Variants in RBP5 observed in about 807,000 individuals in gnomAD.
The protein encoded by RBP5 is retinol-binding protein 5.
Under a neutral mutation model 17.8 loss-of-function variants are expected in RBP5, and 12 were observed. That is an observed-to-expected ratio of 0.67 (90% CI 0.43 to 1.09). The LOEUF is 1.09. Among genes scored for constraint, RBP5 ranks in the 50% least tolerant of loss-of-function variants. The pLI is 0.00. For missense variants in RBP5, 172 were observed against 169.4 expected, an observed-to-expected ratio of 1.02 and a Z score of -0.09; for synonymous variants, 64 against 68.1, an observed-to-expected ratio of 0.94 and a Z score of 0.30.
downstream of RBP5, among the ~76,000 whole-genome samples, chr12:7,122,967 G>T (rs776172698): frequency 2.0e-5 from 3 of 152,190 alleles, no homozygotes; most frequent in East Asian, 5.8e-4. Flanking sequence ...TGCATGGGGG[G>T]GCCAGCCGTT....
Position 7,128,338 on chromosome 12 carries a change from C to G in RBP5, c.154G>C (p.Val52Leu). The G allele has an allele frequency of 6.2e-7, 1 of 1,614,018 alleles. No individual in the cohort carries two copies. Among genetic ancestry groups the G allele is most frequent in the Non-Finnish European group, 8.5e-7 (1 of 1,179,980 alleles). ...TTTCGGAAGGTGCTGAGCGTCCTCA[C>G]CGTCATGTGGTTGCCCTGGTGTTCG... ...EIEHQGNHMT[V>L]RTLSTFRNYT... The change falls in exon 2 of 4, where the codon GTG (valine) becomes CTG (leucine). Residue 52 changes from valine (V) to leucine (L), a missense_variant. By Grantham distance (32) the Val-to-Leu change is conservative. Transcript: ENST00000266560. This position sits in a 1 kb window ranked among gnomAD's most constrained non-coding sequence, Gnocchi z 5.3.
In RBP5 at chr12:7,124,612, GCCCCCA is replaced by G; in HGVS notation, c.354+11_354+16del. 1.5e-6 allele frequency: 2 copies of G among 1,322,340 alleles called. No individual in the cohort carries two copies. The highest frequency in any genetic ancestry group is 1.1e-6 in the Non-Finnish European group (1 of 915,226). The allele number at this position is 1,322,340 out of a possible 1,614,324, so 81.9% of individuals were successfully genotyped here. ...TGGAGGCCCTTCTCCCAGACACCCA[GCCCCCA>G]CCCCATTTACCAGATACAGCATCTC... On this transcript the variant is annotated intron_variant, in intron 3 of 3. Coordinates refer to ENST00000266560, the MANE Select transcript of RBP5 (RefSeq NM_031491.4). This position sits in a 1 kb window ranked among gnomAD's most constrained non-coding sequence, Gnocchi z 5.3.
upstream of RBP5, chr12:7,129,359 G>A (rs567005985): frequency 5.9e-6 from 1 of 169,250 alleles, no homozygotes; most frequent in African/African-American, 2.4e-5. The surrounding 1 kb of genome is among the most constrained non-coding windows in gnomAD (Gnocchi z 5.5). Context: ...GCACCCTGTA[G>A]GCCTGGCTCT....
At position 7,117,495 on chromosome 12, in the gene RBP5, A is replaced by G. The variant is rs1939020175; in HGVS notation, n.890-188T>C. The G allele has an allele frequency of 6.6e-6, 1 of 152,182 alleles. No individual in the cohort carries two copies. Among genetic ancestry groups the G allele is most frequent in the Non-Finnish European group, 1.5e-5 (1 of 68,052 alleles). The allele number at this position is 152,182 out of a possible 1,614,324, so 9.4% of individuals were successfully genotyped here. A position where few individuals can be genotyped will look rare whatever the true frequency, so the allele number is the denominator to read the frequency against. On this transcript the variant is annotated intron_variant and non_coding_transcript_variant, in intron 3 of 3. Coordinates refer to the RBP5 transcript ENST00000619522. This position sits in a 1 kb window ranked among gnomAD's most constrained non-coding sequence, Gnocchi z 4.9. ...TTCAGGTGCATTTACCCAAATCCAGAGTACCTTTGGGGGCTCTGACCCTCT... is the reference window on the plus strand; with the variant it reads ...TTCAGGTGCATTTACCCAAATCCAGGGTACCTTTGGGGGCTCTGACCCTCT...
intron 2 of RBP5, chr12:7,127,422 G>T: frequency 2.3e-6 from 1 of 440,304 alleles, no homozygotes. Context: ...GAGCCACCAC[G>T]CCCAGCCTTT....
chr12:7,128,815 T>G lies in RBP5; in HGVS notation c.-40A>C. The G allele has an allele frequency of 6.6e-7, 1 of 1,507,066 alleles. No individual in the cohort carries two copies. Among genetic ancestry groups the G allele is most frequent in the Non-Finnish European group, 9.1e-7 (1 of 1,101,194 alleles). 93.4% of individuals were successfully genotyped at this position (1,507,066 alleles called of 1,614,324 possible). On this transcript the variant is annotated 5_prime_UTR_variant, in exon 1 of 4. Coordinates refer to ENST00000266560, the MANE Select transcript of RBP5 (RefSeq NM_031491.4). This position sits in a 1 kb window ranked among gnomAD's most constrained non-coding sequence, Gnocchi z 5.3. The stretch of plus-strand genomic sequence containing the variant: ...TTTCAGGAGAATGCAGGAGACAGGG[T>G]GAGGAAGGAGGGGGTGTTGTCTGGC...
At position 7,128,239 on chromosome 12, in the gene RBP5, C is replaced by T; in HGVS notation, c.252+1G>A. The T allele has an allele frequency of 6.2e-6, 10 of 1,607,946 alleles. No homozygotes were observed. The highest frequency in any genetic ancestry group is 8.5e-6 in the Non-Finnish European group (10 of 1,175,848). On this transcript the variant is annotated splice_donor_variant, in intron 2 of 3. Transcript: ENST00000266560. LOFTEE classifies it high-confidence loss of function. The surrounding 1 kb of genome is among the most constrained non-coding windows in gnomAD (Gnocchi z 5.3). ...CCACCGCCCAGCCAGGGGAAATGTA[C>T]CTGGCATTTTCGTCCGTCCACGCTC...
At chr12:7,125,499 C>T (rs904924617) in intron 2 of RBP5, among the ~76,000 whole-genome samples, 5 of 152,172 alleles carry the variant, frequency 3.3e-5, no homozygotes, top group African/African-American at 1.2e-4. Context: ...GCATTCCAAT[C>T]AACCTTTATT....
At position 7,123,839 on chromosome 12, in the gene RBP5, G is replaced by A; in HGVS notation, c.*282C>T. 1 of 431,974 alleles carries A rather than the reference G, an allele frequency of 2.3e-6. No individual in the cohort carries two copies. The allele number at this position is 431,974 out of a possible 1,614,324, so 26.8% of individuals were successfully genotyped here. A position where few individuals can be genotyped will look rare whatever the true frequency, so the allele number is the denominator to read the frequency against. On this transcript the variant is annotated 3_prime_UTR_variant, in exon 4 of 4. Coordinates refer to ENST00000266560, the MANE Select transcript of RBP5 (RefSeq NM_031491.4). Reference sequence around the variant, plus strand: ...AATGGACAGGAGAGAGCGGAGATTGGTTGTTCTCAGGGGCTCCTTCCCTTT... The same window carrying A: ...AATGGACAGGAGAGAGCGGAGATTGATTGTTCTCAGGGGCTCCTTCCCTTT...
chr12:7,123,562 T>C (rs1939110483), downstream of RBP5: 1 of 153,110 alleles, frequency 6.5e-6, no homozygotes, highest in Non-Finnish European at 1.5e-5. Context: ...GCCAGATGCC[T>C]TCAGATGTCA....
chr12:7,119,280 C>T (rs763732685), downstream of RBP5, among the ~76,000 whole-genome samples: 1 of 152,158 alleles, frequency 6.6e-6, no homozygotes, highest in South Asian at 2.1e-4. Context: ...TGGCACTGGG[C>T]TGGGCAGCTG....
At chr12:7,123,098 G>C (rs34458614), downstream of RBP5, among the ~76,000 whole-genome samples, 13,969 of 152,096 alleles carry the variant, frequency 0.092, 734 homozygotes, top group Non-Finnish European at 0.12. Context: ...TGATAGTTGG[G>C]CCCCCTAGGA....
chr12:7,128,764 G>T lies in RBP5; in HGVS notation c.12C>A (p.Asn4Lys), dbSNP rs777662384. MPPNLTGYYRFVSQ... is the reference protein window; with the variant it reads MPPKLTGYYRFVSQ... ...AGACAAAGCGGTAGTAGCCAGTGAGGTTGGGAGGCATTGTGTGGATGAAGG... is the reference window on the plus strand; with the variant it reads ...AGACAAAGCGGTAGTAGCCAGTGAGTTTGGGAGGCATTGTGTGGATGAAGG... The change falls in exon 1 of 4, where the codon AAC becomes AAA. Residue 4 changes from asparagine to lysine, a missense_variant. Transcript: ENST00000266560. The surrounding 1 kb of genome is among the most constrained non-coding windows in gnomAD (Gnocchi z 5.3). 1.9e-6 allele frequency: 3 copies of T among 1,602,650 alleles called. No individual in the cohort carries two copies.
chr12:7,126,368 G>A (rs1206686735), intron 2 of RBP5, among the ~76,000 whole-genome samples: 1 of 152,156 alleles, frequency 6.6e-6, no homozygotes, highest in Non-Finnish European at 1.5e-5. Context: ...TTGTCTGAAA[G>A]TCCACTTACA....
chr12:7,128,393 G>A lies in RBP5; in HGVS notation c.99C>T (p.Ile33=), dbSNP rs754486855. 5.6e-6 allele frequency: 9 copies of A among 1,614,034 alleles called. No individual in the cohort carries two copies. The highest frequency in any genetic ancestry group is 3.3e-5 in the South Asian group (3 of 91,084). ...ALNISLAVRK[I]ALLLKPDKEI... is the part of the protein sequence containing the mutation. Reference sequence around the variant, plus strand: ...CCTTGTCCGGCTTCAGCAGCAGCGCGATCTTCCGCACAGCCAAGCTGATGT... The same window carrying A: ...CCTTGTCCGGCTTCAGCAGCAGCGCAATCTTCCGCACAGCCAAGCTGATGT... The change falls in exon 2 of 4, where the codon ATC becomes ATT. Residue 33 remains isoleucine (I), a synonymous_variant. Transcript: ENST00000266560. The surrounding 1 kb of genome is among the most constrained non-coding windows in gnomAD (Gnocchi z 5.3).
In RBP5 at chr12:7,128,211, C is replaced by T. The variant is rs182617801; in HGVS notation, c.252+29G>A. On this transcript the variant is annotated intron_variant, in intron 2 of 3. Transcript: ENST00000266560. This position sits in a 1 kb window ranked among gnomAD's most constrained non-coding sequence, Gnocchi z 5.3. ...AGGAGTCTCCTGTGATGCCTCCTTC[C>T]GGCCACCGCCCAGCCAGGGGAAATG... 1,968 of 1,585,242 alleles carry T rather than the reference C, an allele frequency of 1.2e-3. 32 individuals are homozygous for T. The Admixed American group carries it at 0.032, about 26-fold the overall frequency.
rs1329632426 is a variant in RBP5 at position 7,128,644 on chromosome 12, A to G, written c.73+59T>C. On this transcript the variant is annotated intron_variant, in intron 1 of 3. Coordinates refer to ENST00000266560, the MANE Select transcript of RBP5 (RefSeq NM_031491.4). This position sits in a 1 kb window ranked among gnomAD's most constrained non-coding sequence, Gnocchi z 5.3. ...TTCCCTCTTCTCCATGGGACCAAGA[A>G]GCAGGAAGGAAGAGGGGAGAAAGGG... 6.9e-7 allele frequency: 1 copy of G among 1,448,214 alleles called. No homozygotes were observed. Among genetic ancestry groups the G allele is most frequent in the African/African-American group, 1.4e-5 (1 of 70,912 alleles). The allele number at this position is 1,448,214 out of a possible 1,614,324, so 89.7% of individuals were successfully genotyped here.
At chr12:7,127,366 G>C in intron 2 of RBP5, 1 of 289,096 alleles carries the variant, frequency 3.5e-6, no homozygotes, top group African/African-American at 2.2e-5. Context: ...CTGGCCTCAA[G>C]TGATCTGCCT....
In RBP5 at chr12:7,128,826, G is replaced by C. The variant is rs117625451; in HGVS notation, c.-51C>G. ...TGCAGGAGACAGGGTGAGGAAGGAG[G>C]GGGTGTTGTCTGGCAGGTGAGGCTG... On this transcript the variant is annotated 5_prime_UTR_variant, in exon 1 of 4. Coordinates refer to ENST00000266560, the MANE Select transcript of RBP5 (RefSeq NM_031491.4). The surrounding 1 kb of genome is among the most constrained non-coding windows in gnomAD (Gnocchi z 5.3). 7.9e-5 allele frequency: 114 copies of C among 1,445,178 alleles called. No homozygotes were observed. Among genetic ancestry groups the C allele is most frequent in the South Asian group, 7.7e-4 (63 of 82,232 alleles). 89.5% of individuals were successfully genotyped at this position (1,445,178 alleles called of 1,614,324 possible).
Sources: allele counts gnomAD v4.1 joint callset (sites outside exome capture counted in the v4.1 genomes callset), GRCh38; gene constraint gnomAD v4.1.1; non-coding constraint Gnocchi (gnomAD v3.1); transcripts MANE v1.5; gene names NCBI Gene and HGNC (gene_info 2026-07-23, HGNC 2026-07-21).